Variants in TAF4 observed in about 807,000 individuals in gnomAD.
TAF4 encodes TATA-box binding protein associated factor 4, also known as transcription initiation factor TFIID subunit 4.
TAF4 carries 9 observed loss-of-function variants against 90.3 expected under a neutral mutation model. That is an observed-to-expected ratio of 0.10 (90% CI 0.06 to 0.17). The LOEUF is 0.17. Among genes scored for constraint, TAF4 ranks in the 10% least tolerant of loss-of-function variants. TAF4 has a pLI of 1.00. For synonymous variants in TAF4, 818 were observed against 638.9 expected (o/e 1.28, Z -4.23); for missense variants, 1,351 against 1,370.7 (o/e 0.99, Z 0.23).
intron 9 of TAF4, among the ~76,000 whole-genome samples, chr20:62,002,311 G>A (rs1479907129): frequency 2.0e-5 from 3 of 152,156 alleles, no homozygotes; most frequent in African/African-American, 4.8e-5. Context: ...TGCCTTTAGG[G>A]ATGAAGTGTC....
chr20:62,012,491 C>T (rs1016714457), intron 3 of TAF4: 6 of 202,570 alleles, frequency 3.0e-5, no homozygotes, highest in African/African-American at 9.3e-5. Context: ...CCGCAGGCTG[C>T]TTCTGCTTCA....
chr20:61,984,220 A>G (rs1438457450), intron 14 of TAF4, among the ~76,000 whole-genome samples: 1 of 152,150 alleles, frequency 6.6e-6, no homozygotes, highest in Non-Finnish European at 1.5e-5. Flanking sequence ...GCACACCCAC[A>G]GACGCTGACT....
At chr20:62,048,545 G>A (rs1308846124) in intron 1 of TAF4, among the ~76,000 whole-genome samples, 1 of 152,056 alleles carries the variant, frequency 6.6e-6, no homozygotes, top group Non-Finnish European at 1.5e-5. Context: ...TGCACTTCCA[G>A]GGTCCTCGTG....
intron 1 of TAF4, among the ~76,000 whole-genome samples, chr20:62,052,513 A>ACCCCAG (rs2056035086): frequency 6.6e-6 from 1 of 151,182 alleles, no homozygotes; most frequent in African/African-American, 2.4e-5. Context: ...CCAGCTCCAC[A>ACCCCAG]CCCCAGCCCC....
chr20:61,991,564 A>T (rs6142697), intron 14 of TAF4, among the ~76,000 whole-genome samples: 14,660 of 152,066 alleles, frequency 0.096, 1,199 homozygotes, highest in East Asian at 0.44. Context: ...ACACCACTGC[A>T]CTCCAGCATG....
At chr20:62,023,747 CAAAA>C (rs59813943) in intron 1 of TAF4, among the ~76,000 whole-genome samples, 3 of 59,566 alleles carry the variant, frequency 5.0e-5, no homozygotes, top group African/African-American at 2.1e-4. Flanking sequence ...GACTCCATCT[CAAAA>C]AAAAAAAAAA....
At chr20:62,021,447 C>T (rs951529409) in intron 1 of TAF4, among the ~76,000 whole-genome samples, 1 of 152,150 alleles carries the variant, frequency 6.6e-6, no homozygotes, top group Non-Finnish European at 1.5e-5. Flanking sequence ...CTTCTAGCTG[C>T]TGAGACACAG....
intron 14 of TAF4, 147 bp downstream of exon 14, chr20:61,997,403 G>C: frequency 1.9e-6 from 2 of 1,078,618 alleles, no homozygotes; most frequent in Non-Finnish European, 2.4e-6. Context: ...AATGTCAAAC[G>C]TAAAACAAAT....
chr20:62,055,147 G>A (rs145787058), intron 1 of TAF4, among the ~76,000 whole-genome samples: 243 of 151,274 alleles, frequency 1.6e-3, no homozygotes, highest in African/African-American at 5.1e-3. Flanking sequence ...CACTGCCTGC[G>A]GGCAGTCCTG....
In TAF4 at chr20:62,064,460, G is replaced by T. The variant is rs868450086; in HGVS notation, c.1351C>A (p.Leu451Met). 6.9e-7 allele frequency: 1 copy of T among 1,449,756 alleles called. No individual in the cohort carries two copies. The highest frequency in any genetic ancestry group is 2.8e-5 in the East Asian group (1 of 36,302). The allele number at this position is 1,449,756 out of a possible 1,614,324, so 89.8% of individuals were successfully genotyped here. The change falls in exon 1 of 15, where the codon CTG (leucine) becomes ATG (methionine). Residue 451 changes from leucine to methionine, a missense_variant. Leu to Met is a conservative substitution (Grantham distance 15). Around this residue, in one of 9 missense-constraint regions of TAF4, gnomAD observed 782 missense variants for 536.6 expected, o/e 1.46. Transcript: ENST00000252996. ...CCGTGCGGCCACTCACCTGGGGGCA[G>T]CTGGAAGTTCTGGATGTTGGTCGGG... ...QNPTNIQNFQ[L>M]PPGMVLVRSE...
At chr20:62,046,313 C>T (rs143089857) in intron 1 of TAF4, among the ~76,000 whole-genome samples, 5 of 152,374 alleles carry the variant, frequency 3.3e-5, no homozygotes, top group African/African-American at 1.2e-4. Flanking sequence ...TGTGTAACCA[C>T]TACCACAATC....
chr20:62,042,313 C>A (rs1568940224), intron 1 of TAF4, among the ~76,000 whole-genome samples: 1 of 152,224 alleles, frequency 6.6e-6, no homozygotes, highest in Non-Finnish European at 1.5e-5. Context: ...ACTCCATCCC[C>A]TTGCCAGCTC....
At chr20:62,028,993 G>A (rs919210716) in intron 1 of TAF4, among the ~76,000 whole-genome samples, 16 of 152,164 alleles carry the variant, frequency 1.1e-4, no homozygotes, top group East Asian at 3.9e-4. Flanking sequence ...TCAGGAGATC[G>A]AGACCATCCT....
intron 1 of TAF4, among the ~76,000 whole-genome samples, chr20:62,046,238 T>C (rs536622645): frequency 6.6e-6 from 1 of 152,334 alleles, no homozygotes; most frequent in South Asian, 2.1e-4. Flanking sequence ...AAATACAGTT[T>C]ACATAAAACA....
intron 1 of TAF4, among the ~76,000 whole-genome samples, chr20:62,017,833 CA>C (rs1477989554): frequency 8.2e-6 from 1 of 121,678 alleles, no homozygotes; most frequent in African/African-American, 3.1e-5. Context: ...GAGTCCACCT[CA>C]AAAAAAAAGA....
At chr20:62,057,078 C>G (rs1307875320) in intron 1 of TAF4, among the ~76,000 whole-genome samples, 1 of 152,184 alleles carries the variant, frequency 6.6e-6, no homozygotes, top group Non-Finnish European at 1.5e-5. Context: ...CCTTTAAAAA[C>G]TTTCACAGGT....
chr20:62,051,193 T>C (rs1221412824), intron 1 of TAF4, among the ~76,000 whole-genome samples: 2 of 152,022 alleles, frequency 1.3e-5, no homozygotes, highest in African/African-American at 4.8e-5. Flanking sequence ...AGGGACCAAG[T>C]CCCCTGTGGG....
At chr20:62,063,891 G>C (rs529496331) in intron 1 of TAF4, among the ~76,000 whole-genome samples, 30 of 152,362 alleles carry the variant, frequency 2.0e-4, no homozygotes, top group African/African-American at 6.7e-4. Flanking sequence ...CAGAGTTCCC[G>C]AGCCTCAAGG....
At position 61,975,784 on chromosome 20, in the gene TAF4, G is replaced by A. The variant is rs966736624; in HGVS notation, c.*384C>T. 1 of 177,204 alleles carries A rather than the reference G, an allele frequency of 5.6e-6. No individual in the cohort carries two copies. The highest frequency in any genetic ancestry group is 1.2e-5 in the Non-Finnish European group (1 of 83,878). The allele number at this position is 177,204 out of a possible 1,614,324, so 11.0% of individuals were successfully genotyped here. A position where few individuals can be genotyped will look rare whatever the true frequency, so the allele number is the denominator to read the frequency against. On this transcript the variant is annotated 3_prime_UTR_variant, in exon 15 of 15. Transcript: ENST00000252996. ...ATAAAATAAACGAAATGAGGTCATC[G>A]GCTGTAGACATACACCTACATAGTA... is the stretch of plus-strand genomic sequence containing the variant.
Sources: allele counts gnomAD v4.1 joint callset (sites outside exome capture counted in the v4.1 genomes callset), GRCh38; gene constraint gnomAD v4.1.1; regional missense constraint gnomAD v4.1.1; transcripts MANE v1.5; gene names NCBI Gene and HGNC (gene_info 2026-07-23, HGNC 2026-07-21).